Variants in SNTB2 observed in about 807,000 individuals in gnomAD.
The protein encoded by SNTB2 is beta-2-syntrophin.
In SNTB2, 34 loss-of-function variants were observed where a neutral mutation model predicts 46.2. The observed-to-expected ratio is 0.74, with a 90% CI of 0.56 to 0.98. SNTB2 has a LOEUF of 0.98. Ranked by LOEUF, SNTB2 falls within the 50% of genes least tolerant of loss-of-function variation. The pLI, the probability that SNTB2 is intolerant of heterozygous loss-of-function variation, is 0.00. For synonymous variants in SNTB2, 290 were observed against 312.6 expected (o/e 0.93, Z 0.76); for missense variants, 603 against 731.4 (o/e 0.82, Z 2.02).
chr16:69,272,834 G>C (rs1408094767), intron 4 of SNTB2, among the ~76,000 whole-genome samples: 1 of 136,058 alleles, frequency 7.3e-6, no homozygotes, highest in Non-Finnish European at 1.5e-5. Context: ...AGGTTGCAGT[G>C]AACTGATATC....
chr16:69,299,694 C>G lies in SNTB2; in HGVS notation c.1450C>G (p.Pro484Ala). The G allele has an allele frequency of 6.2e-7, 1 of 1,614,086 alleles. No homozygotes were observed. Among genetic ancestry groups the G allele is most frequent in the South Asian group, 1.1e-5 (1 of 91,084 alleles). The change falls in exon 6 of 7, where the codon CCC becomes GCC. Residue 484 changes from proline (P) to alanine (A), a missense_variant. By Grantham distance (27) the Pro-to-Ala change is conservative (BLOSUM62 -1). Coordinates refer to ENST00000336278, the MANE Select transcript of SNTB2 (RefSeq NM_006750.4). ...GGSSSILYRY[P>A]FERLKMSADD... ...CTCCAGCAGCATATTGTACCGCTAC[C>G]CCTTTGAAAGGCTGAAGATGTCTGC...
chr16:69,228,793 A>G (rs1964481268), intron 1 of SNTB2, among the ~76,000 whole-genome samples: 2 of 152,246 alleles, frequency 1.3e-5, no homozygotes, highest in East Asian at 1.9e-4. Context: ...CCTTTCACAC[A>G]TTATGTCATT....
chr16:69,287,318 C>T (rs570713622), intron 5 of SNTB2, among the ~76,000 whole-genome samples: 37 of 152,088 alleles, frequency 2.4e-4, no homozygotes, highest in Middle Eastern at 3.4e-3. Flanking sequence ...GCCTGTAATC[C>T]CAGCACTTTG....
At chr16:69,189,812 A>G (rs918331741) in intron 1 of SNTB2, among the ~76,000 whole-genome samples, 3 of 152,360 alleles carry the variant, frequency 2.0e-5, no homozygotes, top group Admixed American at 1.3e-4. Flanking sequence ...TCAGACCAGT[A>G]AAATGAAAAC....
At position 69,210,231 on chromosome 16, in the gene SNTB2, G is replaced by C. The variant is rs141089970; in HGVS notation, c.580+22485G>C. 2.0e-3 allele frequency among the ~76,000 whole-genome samples: 307 copies of C among 150,458 alleles called. 1 individual carries two copies. The highest frequency in any genetic ancestry group is 7.1e-3 in the African/African-American group (290 of 40,902). On this transcript the variant is annotated intron_variant, in intron 1 of 6. Coordinates refer to ENST00000336278, the MANE Select transcript of SNTB2 (RefSeq NM_006750.4). ...GAGAAATGTAAAAAAATGTATTACG[G>C]TTTTTTGTTTTGGTTTGGTTTTTTG...
At chr16:69,220,881 A>G (rs181503727) in intron 1 of SNTB2, among the ~76,000 whole-genome samples, 3 of 152,260 alleles carry the variant, frequency 2.0e-5, no homozygotes, top group East Asian at 3.9e-4. Flanking sequence ...TGTCACCACA[A>G]TTAAGATACA....
chr16:69,216,138 C>T (rs1389346119), intron 1 of SNTB2, among the ~76,000 whole-genome samples: 2 of 152,092 alleles, frequency 1.3e-5, no homozygotes, highest in African/African-American at 4.8e-5. Flanking sequence ...TAAGATAATA[C>T]TTCTTGGAAG....
chr16:69,229,182 T>G (rs1964483803), intron 1 of SNTB2, among the ~76,000 whole-genome samples: 1 of 151,706 alleles, frequency 6.6e-6, no homozygotes. Context: ...TGGCACTTTA[T>G]TTATTTAGTG....
rs561559982 is a variant in SNTB2, at chr16:69,267,857, G to A, written c.1006-2286G>A. ...AAGGAAAACACGTGAAAAGGGCTCT[G>A]AAGGCAACACTCTAACCGATAAGTG... On this transcript the variant is annotated intron_variant, in intron 3 of 6. Coordinates refer to ENST00000336278, the MANE Select transcript of SNTB2 (RefSeq NM_006750.4). Among the ~76,000 whole-genome samples the A allele has an allele frequency of 1.7e-4, 26 of 152,316 alleles. 1 individual carries two copies. In the South Asian group the frequency reaches 5.2e-3, roughly 30 times the overall value.
intron 3 of SNTB2, among the ~76,000 whole-genome samples, chr16:69,263,690 T>G (rs1218362054): frequency 2.6e-5 from 4 of 152,132 alleles, no homozygotes; most frequent in Admixed American, 2.6e-4. Flanking sequence ...AGTGCTGGGA[T>G]TACAGGAGTG....
chr16:69,196,427 T>A (rs1237355185), intron 1 of SNTB2, among the ~76,000 whole-genome samples: 1 of 146,410 alleles, frequency 6.8e-6, no homozygotes, highest in Admixed American at 7.2e-5. Flanking sequence ...CAGGCTGGAG[T>A]GTAGTGGTGT....
In SNTB2 at chr16:69,302,011, T is replaced by G. The variant is rs2143213721; in HGVS notation, c.*1087T>G. On this transcript the variant is annotated 3_prime_UTR_variant, in exon 7 of 7. Transcript: ENST00000336278. ...AGCCAGCAATTCCGCACAAACGTCATGTTGAATTGTTTTGGGCTGCCCAAA... is the reference window on the plus strand; with the variant it reads ...AGCCAGCAATTCCGCACAAACGTCAGGTTGAATTGTTTTGGGCTGCCCAAA... 1 of 152,268 alleles carries G rather than the reference T, an allele frequency of 6.6e-6. No homozygotes were observed. The highest frequency in any genetic ancestry group is 1.9e-4 in the East Asian group (1 of 5,182). The allele number at this position is 152,268 out of a possible 1,614,324, so 9.4% of individuals were successfully genotyped here.
chr16:69,261,374 A>C (rs542267869), intron 3 of SNTB2, among the ~76,000 whole-genome samples: 1 of 147,126 alleles, frequency 6.8e-6, no homozygotes, highest in Non-Finnish European at 1.5e-5. Context: ...AGCAGTTCTG[A>C]TGTGGTAGGT....
intron 2 of SNTB2, among the ~76,000 whole-genome samples, chr16:69,249,307 T>A (rs1964703144): frequency 6.6e-6 from 1 of 152,158 alleles, no homozygotes; most frequent in South Asian, 2.1e-4. Flanking sequence ...GTTACAGGCA[T>A]GAGCCACCGC....
intron 1 of SNTB2, among the ~76,000 whole-genome samples, chr16:69,188,418 C>A (rs1964016415): frequency 6.6e-6 from 1 of 152,168 alleles, no homozygotes; most frequent in Admixed American, 6.5e-5. Context: ...CACTCACAGG[C>A]GCGCTGCTTC....
chr16:69,232,502 C>CTTTTTTTTTTT lies in SNTB2; in HGVS notation c.581-13083_581-13073dup, dbSNP rs1032986410. Among the ~76,000 whole-genome samples the CTTTTTTTTTTT allele has an allele frequency of 7.8e-5, 5 of 63,884 alleles. 1 individual carries two copies. The highest frequency in any genetic ancestry group is 1.5e-4 in the African/African-American group (2 of 13,676). 41.9% of individuals were successfully genotyped at this position (63,884 alleles called of 152,430 possible). On this transcript the variant is annotated intron_variant, in intron 1 of 6. Transcript: ENST00000336278. ...TTACAGGTGTGAGCCACGGTGCGGCCTTTTTTTTTTTTTTTTTTTTTTTTT... is the reference window on the plus strand; with the variant it reads ...TTACAGGTGTGAGCCACGGTGCGGCCTTTTTTTTTTTTTTTTTTTTTTTTTTTTTTTTTTTT...
intron 1 of SNTB2, among the ~76,000 whole-genome samples, chr16:69,243,207 C>A (rs921968380): frequency 6.6e-6 from 1 of 152,080 alleles, no homozygotes; most frequent in Non-Finnish European, 1.5e-5. Context: ...ACTGAAAGCT[C>A]CATGTGGGGG....
intron 1 of SNTB2, among the ~76,000 whole-genome samples, chr16:69,228,426 A>G (rs1964478025): frequency 6.6e-6 from 1 of 150,936 alleles, no homozygotes; most frequent in South Asian, 2.1e-4. Flanking sequence ...GGATGGCTTG[A>G]ACCTGGGAGG....
chr16:69,196,985 G>A (rs1964111802), intron 1 of SNTB2, among the ~76,000 whole-genome samples: 1 of 151,792 alleles, frequency 6.6e-6, no homozygotes, highest in Non-Finnish European at 1.5e-5. Context: ...CTATCTGGAG[G>A]TTATCCAGTT....
Sources: allele counts gnomAD v4.1 joint callset (sites outside exome capture counted in the v4.1 genomes callset), GRCh38; gene constraint gnomAD v4.1.1; transcripts MANE v1.5; gene names NCBI Gene and HGNC (gene_info 2026-07-23, HGNC 2026-07-21).